Variants in METTL15 observed in about 807,000 individuals in gnomAD.
METTL15 encodes 12S rRNA N(4)-cytidine methyltransferase METTL15.
A neutral mutation model predicts 38.3 loss-of-function variants in METTL15; 34 were observed. That is an observed-to-expected ratio of 0.89 (90% CI 0.68 to 1.18). METTL15 has a LOEUF of 1.18. Among genes scored for constraint, METTL15 ranks in the 50% most tolerant of loss-of-function variants. METTL15 has a pLI of 0.00. For missense variants in METTL15, 438 were observed against 498.4 expected (o/e 0.88, Z 1.15); for synonymous variants, 162 against 170.9 (o/e 0.95, Z 0.41).
intron 3 of METTL15, among the ~76,000 whole-genome samples, chr11:28,210,716 A>T (rs769326248): frequency 1.2e-4 from 19 of 152,028 alleles, no homozygotes; most frequent in Non-Finnish European, 2.5e-4. Context: ...ATGAGAAATT[A>T]TTGAAAATGT....
At chr11:28,304,619 G>A (rs1857018772) in intron 6 of METTL15, among the ~76,000 whole-genome samples, 1 of 152,072 alleles carries the variant, frequency 6.6e-6, no homozygotes, top group Non-Finnish European at 1.5e-5. Flanking sequence ...AGGAGGCTGA[G>A]GCATGAGAAT....
intron 6 of METTL15, among the ~76,000 whole-genome samples, chr11:28,472,775 A>G (rs565620374): frequency 7.1e-4 from 108 of 152,340 alleles, no homozygotes; most frequent in African/African-American, 2.5e-3. Flanking sequence ...GCAACTGCCA[A>G]TAAAATGAAA....
chr11:28,503,819 G>A (rs542940351), intron 6 of METTL15, among the ~76,000 whole-genome samples: 12 of 151,762 alleles, frequency 7.9e-5, no homozygotes, highest in African/African-American at 2.9e-4. Context: ...ATTCAAACCC[G>A]GTAGGCCAGA....
chr11:28,387,791 C>T (rs975842952), intron 5 of METTL15, among the ~76,000 whole-genome samples: 1 of 152,052 alleles, frequency 6.6e-6, no homozygotes, highest in African/African-American at 2.4e-5. Context: ...GGACAAATTT[C>T]CTTAACAAAA....
chr11:28,464,953 C>A (rs561743365), intron 6 of METTL15, among the ~76,000 whole-genome samples: 2 of 152,182 alleles, frequency 1.3e-5, no homozygotes, highest in Non-Finnish European at 2.9e-5. Context: ...CTTCATCTTC[C>A]TTCTAATCAC....
rs1353858232 is a variant in METTL15 at position 28,399,876 on chromosome 11, C to T, written c.*359-24423C>T. On this transcript the variant is annotated intron_variant and NMD_transcript_variant, in intron 5 of 7. Coordinates refer to the METTL15 transcript ENST00000532947. ...TAAACTTTTCTTGGGTTAACATAAT[C>T]AGGGAGAATGACAGATTGTCATGCT... 2.0e-5 allele frequency among the ~76,000 whole-genome samples: 3 copies of T among 151,868 alleles called. No individual in the cohort carries two copies. The East Asian group carries it at 5.8e-4, about 29-fold the overall frequency.
At chr11:28,247,621 AT>A (rs1854567281) in intron 4 of METTL15, among the ~76,000 whole-genome samples, 1 of 152,142 alleles carries the variant, frequency 6.6e-6, no homozygotes, top group Non-Finnish European at 1.5e-5. Flanking sequence ...CTTAAGATTG[AT>A]CGGTAATTTA....
At chr11:28,400,575 TC>T (rs1424278819) in intron 5 of METTL15, among the ~76,000 whole-genome samples, 1 of 151,900 alleles carries the variant, frequency 6.6e-6, no homozygotes, top group African/African-American at 2.4e-5. Flanking sequence ...GAGTCTGAGT[TC>T]CCCCCATCCC....
chr11:28,259,670 G>A (rs1002150463), intron 4 of METTL15, among the ~76,000 whole-genome samples: 20 of 152,140 alleles, frequency 1.3e-4, no homozygotes, highest in African/African-American at 4.8e-4. Context: ...CCTCATAAAT[G>A]CTGCACTTTC....
At chr11:28,386,418 G>A (rs559646929) in intron 5 of METTL15, among the ~76,000 whole-genome samples, 7 of 151,598 alleles carry the variant, frequency 4.6e-5, no homozygotes, top group Middle Eastern at 3.4e-3. Flanking sequence ...AAGAGAACAG[G>A]GTTGATCATA....
At position 28,492,968 on chromosome 11, in the gene METTL15, A is replaced by G. The variant is rs537838539; in HGVS notation, c.*425-33510A>G. Among the ~76,000 whole-genome samples, 22 of 152,258 alleles carry G rather than the reference A, an allele frequency of 1.4e-4. No individual in the cohort carries two copies. The South Asian group carries it at 4.1e-3, about 29-fold the overall frequency. ...CTAGAACTCAATTATCCTGATTTTT[A>G]ATCCCATAAGGGTCCCTTGTCAACA... is the stretch of plus-strand genomic sequence containing the variant. On this transcript the variant is annotated intron_variant and NMD_transcript_variant, in intron 6 of 7. Transcript: ENST00000532947.
chr11:28,472,395 A>G (rs972442928), intron 6 of METTL15, among the ~76,000 whole-genome samples: 1 of 152,124 alleles, frequency 6.6e-6, no homozygotes, highest in Admixed American at 6.6e-5. Flanking sequence ...CAGGAAGGCC[A>G]CCTTGGTGTT....
At chr11:28,311,006 G>A (rs964705694) in intron 6 of METTL15, among the ~76,000 whole-genome samples, 2 of 136,514 alleles carry the variant, frequency 1.5e-5, no homozygotes, top group African/African-American at 6.3e-5. Flanking sequence ...GTGTGTGTGA[G>A]AGAGAGAGAG....
At chr11:28,285,281 G>A (rs1193963342) in intron 4 of METTL15, among the ~76,000 whole-genome samples, 2 of 151,944 alleles carry the variant, frequency 1.3e-5, no homozygotes, top group South Asian at 2.1e-4. Flanking sequence ...TCCAACCCAC[G>A]GCCCAAAGAC....
intron 5 of METTL15, among the ~76,000 whole-genome samples, chr11:28,407,850 T>C (rs1850687451): frequency 6.6e-6 from 1 of 152,046 alleles, no homozygotes; most frequent in Non-Finnish European, 1.5e-5. Flanking sequence ...TAAAGATAAA[T>C]GCATGCATAA....
chr11:28,363,851 A>G (rs1850162771), intron 5 of METTL15, among the ~76,000 whole-genome samples: 1 of 152,066 alleles, frequency 6.6e-6, no homozygotes, highest in Non-Finnish European at 1.5e-5. Flanking sequence ...TTTTGAGTTA[A>G]TTTTCATACA....
At chr11:28,368,792 G>A (rs1204381634) in intron 5 of METTL15, among the ~76,000 whole-genome samples, 2 of 152,136 alleles carry the variant, frequency 1.3e-5, no homozygotes, top group African/African-American at 4.8e-5. Context: ...AGAAAATGTG[G>A]CATGTATACA....
At chr11:28,531,749 G>A (rs911743594), downstream of METTL15, among the ~76,000 whole-genome samples, 4 of 151,928 alleles carry the variant, frequency 2.6e-5, no homozygotes, top group South Asian at 2.1e-4. Flanking sequence ...TAATTGAAAC[G>A]CTTAGCTTCC....
At chr11:28,511,066 T>C (rs971770865) in intron 6 of METTL15, among the ~76,000 whole-genome samples, 1 of 152,174 alleles carries the variant, frequency 6.6e-6, no homozygotes, top group Non-Finnish European at 1.5e-5. Context: ...AGGCCACCTA[T>C]TGTTAATATT....
Sources: allele counts gnomAD v4.1 joint callset (sites outside exome capture counted in the v4.1 genomes callset), GRCh38; gene constraint gnomAD v4.1.1; transcripts MANE v1.5; gene names NCBI Gene and HGNC (gene_info 2026-07-23, HGNC 2026-07-21).